Variants in FGD4 observed in about 807,000 individuals in gnomAD.
The protein encoded by FGD4 is FYVE, RhoGEF and PH domain-containing protein 4.
A neutral mutation model predicts 102.0 loss-of-function variants in FGD4; 42 were observed. The observed-to-expected ratio is 0.41, with a 90% CI of 0.32 to 0.53. FGD4 has a LOEUF of 0.53. FGD4 is among the 20% of genes least tolerant of loss of function. The pLI, the probability that FGD4 is intolerant of heterozygous loss-of-function variation, is 0.21. For missense variants in FGD4, 902 were observed against 1,078.2 expected, an observed-to-expected ratio of 0.84 and a Z score of 2.29; for synonymous variants, 380 against 375.7, an observed-to-expected ratio of 1.01 and a Z score of -0.13.
intron 1 of FGD4, among the ~76,000 whole-genome samples, chr12:32,423,671 G>A (rs1028820881): frequency 6.6e-6 from 1 of 151,668 alleles, no homozygotes; most frequent in African/African-American, 2.4e-5. Context: ...AGCCCCATGG[G>A]CTGCTGGTTG....
intron 1 of FGD4, among the ~76,000 whole-genome samples, chr12:32,533,716 C>T (rs943941532): frequency 6.6e-5 from 10 of 152,172 alleles, no homozygotes; most frequent in African/African-American, 2.2e-4. Flanking sequence ...TTAGCCGCCG[C>T]GCCTGGCTTT....
intron 1 of FGD4, chr12:32,486,161 A>G (rs757877123): frequency 6.0e-5 from 91 of 1,523,342 alleles, no homozygotes; most frequent in South Asian, 1.1e-4. Flanking sequence ...TTGTTTTGCA[A>G]TTGCCATTTC....
chr12:32,534,226 A>T, intron 1 of FGD4: 1 of 1,080,646 alleles, frequency 9.3e-7, no homozygotes, highest in Non-Finnish European at 1.2e-6. Flanking sequence ...ACTCCCTCTC[A>T]TGCAATGTAC....
At chr12:32,418,167 A>G (rs12815894) in intron 1 of FGD4, among the ~76,000 whole-genome samples, 14,560 of 151,894 alleles carry the variant, frequency 0.096, 830 homozygotes, top group Middle Eastern at 0.21. Context: ...TGTGTTAGCC[A>G]GGATGGTCTT....
chr12:32,485,029 G>A (rs781324832), intron 1 of FGD4, among the ~76,000 whole-genome samples: 31 of 152,320 alleles, frequency 2.0e-4, no homozygotes, highest in Non-Finnish European at 3.7e-4. Context: ...AGCCTGTTGA[G>A]TAGCTGGGAT....
In FGD4 at chr12:32,600,471, C is replaced by T. The variant is rs1054113402; in HGVS notation, c.1102-807C>T. On this transcript the variant is annotated intron_variant, in intron 5 of 16. Transcript: ENST00000534526. ...CATCTGGACATTATGAAGGAATAGA[C>T]CTCCTTCTGCCTACATGTAACAGAA... 11 of 1,282,340 alleles carry T rather than the reference C, an allele frequency of 8.6e-6. No individual in the cohort carries two copies. In the Admixed American group the frequency reaches 2.4e-4, roughly 28 times the overall value. The allele number at this position is 1,282,340 out of a possible 1,614,324, so 79.4% of individuals were successfully genotyped here. A position where few individuals can be genotyped will look rare whatever the true frequency, so the allele number is the denominator to read the frequency against.
At chr12:32,476,454 C>T (rs543260120) in intron 1 of FGD4, among the ~76,000 whole-genome samples, 1 of 152,162 alleles carries the variant, frequency 6.6e-6, no homozygotes, top group African/African-American at 2.4e-5. Flanking sequence ...ATATGACTGT[C>T]GAGTTGGTCC....
chr12:32,478,643 C>G (rs1943644596), intron 1 of FGD4, among the ~76,000 whole-genome samples: 1 of 152,152 alleles, frequency 6.6e-6, no homozygotes, highest in African/African-American at 2.4e-5. Flanking sequence ...ACAAGCTTCC[C>G]TTAGTTGCTT....
intron 1 of FGD4, among the ~76,000 whole-genome samples, chr12:32,430,747 T>TA (rs1190333051): frequency 6.6e-6 from 1 of 152,182 alleles, no homozygotes; most frequent in East Asian, 1.9e-4. Context: ...CTTAGTATAA[T>TA]AAAAAATTGA....
At chr12:32,467,642 C>A (rs11052014) in intron 1 of FGD4, among the ~76,000 whole-genome samples, 14,543 of 152,210 alleles carry the variant, frequency 0.096, 868 homozygotes, top group Middle Eastern at 0.29. Flanking sequence ...TACATAGGTG[C>A]TTAATATAAA....
At chr12:32,529,372 G>A (rs1057309319) in intron 1 of FGD4, among the ~76,000 whole-genome samples, 10 of 151,806 alleles carry the variant, frequency 6.6e-5, no homozygotes, top group East Asian at 1.9e-4. Flanking sequence ...TGATCCACCC[G>A]CCTCAGCCTC....
intron 3 of FGD4, among the ~76,000 whole-genome samples, chr12:32,580,646 G>T (rs979379250): frequency 6.6e-6 from 1 of 152,142 alleles, no homozygotes; most frequent in African/African-American, 2.4e-5. Flanking sequence ...CCAGCACTTT[G>T]GGAGGCCGAG....
intron 3 of FGD4, among the ~76,000 whole-genome samples, chr12:32,578,202 G>A (rs564909931): frequency 1.3e-5 from 2 of 152,112 alleles, no homozygotes; most frequent in African/African-American, 2.4e-5. Flanking sequence ...GGCAGGTCTG[G>A]TGAAGAAATA....
chr12:32,401,068 T>A (rs1940642331), intron 1 of FGD4, among the ~76,000 whole-genome samples: 1 of 152,208 alleles, frequency 6.6e-6, no homozygotes, highest in Admixed American at 6.5e-5. Flanking sequence ...AGGACACTAG[T>A]GTGAAACAGT....
At chr12:32,579,806 A>G (rs750107010) in intron 3 of FGD4, among the ~76,000 whole-genome samples, 24 of 151,982 alleles carry the variant, frequency 1.6e-4, no homozygotes, top group Non-Finnish European at 2.2e-4. Context: ...ATTTTCCCCT[A>G]CTCAATTTAT....
At chr12:32,607,490 TG>T (rs1948853583) in intron 7 of FGD4, among the ~76,000 whole-genome samples, 1 of 151,768 alleles carries the variant, frequency 6.6e-6, no homozygotes, top group African/African-American at 2.4e-5. Context: ...CAGATTGAGG[TG>T]GGGTTCAGAA....
Position 32,564,395 on chromosome 12 carries a change from G to T in FGD4, c.319+106G>T. 5 of 1,322,932 alleles carry T rather than the reference G, an allele frequency of 3.8e-6. No homozygotes were observed. The South Asian group carries it at 7.6e-5, about 20-fold the overall frequency. 81.9% of individuals were successfully genotyped at this position (1,322,932 alleles called of 1,614,324 possible). ...GAAAGTGTTTTAAGCTAGAAGGAAGGAATTGGGTACATTATTTTTTAGAGA... is the reference window on the plus strand; with the variant it reads ...GAAAGTGTTTTAAGCTAGAAGGAAGTAATTGGGTACATTATTTTTTAGAGA... On this transcript the variant is annotated intron_variant, in intron 2 of 16. Coordinates refer to ENST00000534526, the MANE Select transcript of FGD4 (RefSeq NM_001370298.3).
intron 1 of FGD4, among the ~76,000 whole-genome samples, chr12:32,418,689 C>T (rs1014146321): frequency 6.6e-6 from 1 of 152,134 alleles, no homozygotes; most frequent in African/African-American, 2.4e-5. Context: ...CGATCTTGCC[C>T]AAGGCCCGGT....
chr12:32,532,140 A>T (rs555238432), intron 1 of FGD4, among the ~76,000 whole-genome samples: 63 of 152,342 alleles, frequency 4.1e-4, no homozygotes, highest in Non-Finnish European at 7.6e-4. Context: ...CATAGCTATG[A>T]TAAAGTTTAA....
Sources: allele counts gnomAD v4.1 joint callset (sites outside exome capture counted in the v4.1 genomes callset), GRCh38; gene constraint gnomAD v4.1.1; transcripts MANE v1.5; gene names NCBI Gene and HGNC (gene_info 2026-07-23, HGNC 2026-07-21).